Variants in SPMAP2L observed in about 807,000 individuals in gnomAD.
The protein encoded by SPMAP2L is sperm microtubule associated protein 2 like.
the SPMAP2L span, among the ~76,000 whole-genome samples, chr4:56,592,163 G>A: frequency 2.0e-5 from 3 of 152,166 alleles, no homozygotes; most frequent in African/African-American, 7.2e-5. Context: ...GCATGCAAAG[G>A]ATCTAGGTTG....
At chr4:56,552,764 T>C in the SPMAP2L span, 6 of 592,504 alleles carry the variant, frequency 1.0e-5, no homozygotes, top group East Asian at 1.7e-4. Flanking sequence ...GGCTAACCCT[T>C]GGTCAGTGGT....
the SPMAP2L span, among the ~76,000 whole-genome samples, chr4:56,543,155 C>T: frequency 7.3e-5 from 11 of 151,226 alleles, no homozygotes; most frequent in East Asian, 1.6e-3. Flanking sequence ...GCGATCTTGG[C>T]TCACTGAAAG....
At chr4:56,553,813 C>T in the SPMAP2L span, among the ~76,000 whole-genome samples, 2 of 152,148 alleles carry the variant, frequency 1.3e-5, no homozygotes, top group Non-Finnish European at 2.9e-5. Flanking sequence ...TAAAAATTAC[C>T]TGTGTTCCAA....
chr4:56,543,893 A>AGT, the SPMAP2L span, among the ~76,000 whole-genome samples: 141 of 132,470 alleles, frequency 1.1e-3, no homozygotes, highest in South Asian at 0.018. Flanking sequence ...AGAGAGAGAG[A>AGT]GAGTGTGTGT....
At chr4:56,550,663 T>C in the SPMAP2L span, among the ~76,000 whole-genome samples, 8 of 152,132 alleles carry the variant, frequency 5.3e-5, no homozygotes, top group South Asian at 1.7e-3. Flanking sequence ...CTGTGACGAG[T>C]GTGGTTTCAA....
At chr4:56,594,838 C>T in the SPMAP2L span, 69 of 1,594,028 alleles carry the variant, frequency 4.3e-5, no homozygotes, top group East Asian at 1.1e-3. Flanking sequence ...TCTACCTAGA[C>T]GGGGCAAATA....
At chr4:56,541,587 G>A in the SPMAP2L span, among the ~76,000 whole-genome samples, 3 of 152,018 alleles carry the variant, frequency 2.0e-5, no homozygotes, top group Non-Finnish European at 4.4e-5. Context: ...TACCCATTAC[G>A]TAGTTTCAAT....
chr4:56,625,079 C>A, the SPMAP2L span, among the ~76,000 whole-genome samples: 2 of 152,194 alleles, frequency 1.3e-5, no homozygotes, highest in Admixed American at 6.5e-5. Flanking sequence ...ACCATGGGAA[C>A]CCATCTCTTG....
chr4:56,575,637 A>G, the SPMAP2L span: 3 of 1,535,178 alleles, frequency 2.0e-6, no homozygotes, highest in Non-Finnish European at 2.6e-6. Context: ...AGTGTCTACT[A>G]AATAGGTAGA....
chr4:56,577,839 T>C, the SPMAP2L span, among the ~76,000 whole-genome samples: 1 of 152,006 alleles, frequency 6.6e-6, no homozygotes, highest in African/African-American at 2.4e-5. Context: ...AAAAAATTTA[T>C]TGGGGTGTTG....
At chr4:56,537,754 GC>G in the SPMAP2L span, among the ~76,000 whole-genome samples, 12 of 151,106 alleles carry the variant, frequency 7.9e-5, no homozygotes, top group Middle Eastern at 6.8e-3. Flanking sequence ...GCAGTGGCGC[GC>G]GATCTCGGCT....
At chr4:56,613,099 G>T in the SPMAP2L span, among the ~76,000 whole-genome samples, 1 of 152,116 alleles carries the variant, frequency 6.6e-6, no homozygotes, top group Admixed American at 6.5e-5. Context: ...TTCCCAGAGG[G>T]TTTTACTTCC....
the SPMAP2L span, among the ~76,000 whole-genome samples, chr4:56,556,981 G>A: frequency 2.6e-5 from 4 of 152,076 alleles, no homozygotes; most frequent in Admixed American, 2.6e-4. Flanking sequence ...GGGTGTGGTG[G>A]CTCACGCCTG....
chr4:56,593,739 A>G, the SPMAP2L span: 1 of 1,567,640 alleles, frequency 6.4e-7, no homozygotes, highest in Non-Finnish European at 8.8e-7. Flanking sequence ...AAAGAAGTGT[A>G]TTGTCTTGCT....
chr4:56,582,504 C>A, the SPMAP2L span, among the ~76,000 whole-genome samples: 1 of 151,996 alleles, frequency 6.6e-6, no homozygotes. Context: ...CAATGAGATA[C>A]CACTTCACAC....
chr4:56,550,111 G>A, the SPMAP2L span, among the ~76,000 whole-genome samples: 1 of 151,926 alleles, frequency 6.6e-6, no homozygotes, highest in East Asian at 1.9e-4. Context: ...TACATGTATG[G>A]TTATTATTCA....
At chr4:56,602,618 C>T in the SPMAP2L span, among the ~76,000 whole-genome samples, 4 of 152,232 alleles carry the variant, frequency 2.6e-5, no homozygotes, top group South Asian at 8.3e-4. Context: ...TCACTTGAGC[C>T]TGGGAGGAGG....
At chr4:56,553,792 T>G in the SPMAP2L span, among the ~76,000 whole-genome samples, 1 of 152,142 alleles carries the variant, frequency 6.6e-6, no homozygotes, top group African/African-American at 2.4e-5. Flanking sequence ...TACAGGACAG[T>G]TTCATCGCCC....
At chr4:56,570,567 A>G in the SPMAP2L span, among the ~76,000 whole-genome samples, 1 of 152,138 alleles carries the variant, frequency 6.6e-6, no homozygotes, top group Non-Finnish European at 1.5e-5. Flanking sequence ...AAAGATAAGA[A>G]ATGGTACACC....
Sources: allele counts gnomAD v4.1 joint callset (sites outside exome capture counted in the v4.1 genomes callset), GRCh38; gene constraint gnomAD v4.1.1; transcripts MANE v1.5; gene names NCBI Gene and HGNC (gene_info 2026-07-23, HGNC 2026-07-21).